The following LUZP2 variants were observed in gnomAD, a reference collection of about 807,000 sequenced individuals.
LUZP2 encodes leucine zipper protein 2.
A neutral mutation model predicts 51.6 loss-of-function variants in LUZP2; 52 were observed. The ratio of observed to expected loss-of-function variants is 1.01; its 90% CI spans 0.81 to 1.27. The LOEUF (loss-of-function observed/expected upper bound fraction) is 1.27, where lower values mean the gene tolerates loss of function less well. Ranked by LOEUF, LUZP2 falls within the 50% of genes most tolerant of loss-of-function variation. The pLI is 0.00. For synonymous variants in LUZP2, 154 were observed against 137.3 expected (o/e 1.12, Z -0.85); for missense variants, 436 against 395.4 (o/e 1.10, Z -0.87).
intron 1 of LUZP2, among the ~76,000 whole-genome samples, chr11:24,710,891 A>G (rs1857788359): frequency 6.6e-6 from 1 of 151,060 alleles, no homozygotes; most frequent in Non-Finnish European, 1.5e-5. Context: ...ATAAGAGACA[A>G]AGAGAAAGGA....
intron 5 of LUZP2, among the ~76,000 whole-genome samples, chr11:24,885,427 G>A (rs117177641): frequency 0.016 from 2,468 of 152,086 alleles, 33 homozygotes; most frequent in Non-Finnish European, 0.026. Context: ...GAGAAAACAA[G>A]GACTCAAGAT....
chr11:24,842,501 G>A (rs1206385552), intron 5 of LUZP2, among the ~76,000 whole-genome samples: 2 of 151,738 alleles, frequency 1.3e-5, no homozygotes, highest in Non-Finnish European at 2.9e-5. Flanking sequence ...CAACCAACAA[G>A]GCGAATTCAG....
intron 7 of LUZP2, among the ~76,000 whole-genome samples, chr11:24,962,990 G>T (rs11028304): frequency 0.37 from 56,444 of 152,044 alleles, 12,624 homozygotes; most frequent in East Asian, 0.69. Flanking sequence ...TGACAGGACC[G>T]TCAGCTGCAG....
chr11:24,571,880 C>A (rs1190407698), intron 1 of LUZP2, among the ~76,000 whole-genome samples: 1 of 151,912 alleles, frequency 6.6e-6, no homozygotes, highest in Non-Finnish European at 1.5e-5. Context: ...TATTACATAA[C>A]CCCAAACTTT....
chr11:24,873,771 A>G (rs912844483), intron 5 of LUZP2, among the ~76,000 whole-genome samples: 1 of 152,218 alleles, frequency 6.6e-6, no homozygotes, highest in Non-Finnish European at 1.5e-5. Context: ...GCCTTTGAAA[A>G]GCTGTGTGAC....
At chr11:24,842,369 T>G (rs2134202839) in intron 5 of LUZP2, among the ~76,000 whole-genome samples, 1 of 151,700 alleles carries the variant, frequency 6.6e-6, no homozygotes, top group Non-Finnish European at 1.5e-5. Context: ...ATTAATAAAA[T>G]AGTTTTGAGA....
At chr11:24,753,761 T>C (rs1475493621) in intron 4 of LUZP2, among the ~76,000 whole-genome samples, 1 of 152,200 alleles carries the variant, frequency 6.6e-6, no homozygotes, top group African/African-American at 2.4e-5. Flanking sequence ...GCGAAAGACT[T>C]TGGGCCCTCA....
At chr11:24,756,563 G>T (rs1014401488) in intron 4 of LUZP2, among the ~76,000 whole-genome samples, 1 of 152,016 alleles carries the variant, frequency 6.6e-6, no homozygotes, top group Non-Finnish European at 1.5e-5. Flanking sequence ...TTCTCTTTCC[G>T]AGCTGTGTTT....
intron 1 of LUZP2, among the ~76,000 whole-genome samples, chr11:24,694,070 C>A (rs1181342925): frequency 1.3e-5 from 2 of 151,944 alleles, no homozygotes; most frequent in Non-Finnish European, 2.9e-5. Context: ...ATAAGGAAAT[C>A]TCAATTATTT....
intron 1 of LUZP2, among the ~76,000 whole-genome samples, chr11:24,507,322 G>A (rs1218603335): frequency 6.6e-6 from 1 of 152,012 alleles, no homozygotes; most frequent in East Asian, 1.9e-4. Flanking sequence ...TACTCAACAT[G>A]CAAATTGTAG....
chr11:24,712,240 G>A (rs1857855839), intron 1 of LUZP2, among the ~76,000 whole-genome samples: 1 of 151,918 alleles, frequency 6.6e-6, no homozygotes, highest in African/African-American at 2.4e-5. Context: ...GGGCAACATG[G>A]TGAGACCCCA....
intron 1 of LUZP2, among the ~76,000 whole-genome samples, chr11:24,698,151 G>T (rs1219767976): frequency 6.6e-6 from 1 of 152,074 alleles, no homozygotes; most frequent in Non-Finnish European, 1.5e-5. Context: ...TTTCTTTTCT[G>T]CAACACTGCT....
At chr11:25,059,740 A>T (rs1404463758) in intron 10 of LUZP2, among the ~76,000 whole-genome samples, 2 of 152,158 alleles carry the variant, frequency 1.3e-5, no homozygotes, top group Non-Finnish European at 2.9e-5. Flanking sequence ...AAAGGAGGAG[A>T]GGAAAAGAAA....
chr11:24,768,658 C>T (rs1860285351), intron 5 of LUZP2, among the ~76,000 whole-genome samples: 1 of 152,034 alleles, frequency 6.6e-6, no homozygotes, highest in Non-Finnish European at 1.5e-5. Context: ...AAAATACTCC[C>T]AACATCACTA....
chr11:24,978,546 A>G (rs1193714778), intron 8 of LUZP2, among the ~76,000 whole-genome samples: 1 of 151,752 alleles, frequency 6.6e-6, no homozygotes, highest in Non-Finnish European at 1.5e-5. Flanking sequence ...GACTTCACAT[A>G]ATCCTTTTAG....
chr11:24,801,625 A>T (rs1849699930), intron 5 of LUZP2, among the ~76,000 whole-genome samples: 2 of 151,968 alleles, frequency 1.3e-5, no homozygotes, highest in South Asian at 4.2e-4. Context: ...GAGATTCGGA[A>T]AATGCTACGT....
intron 9 of LUZP2, among the ~76,000 whole-genome samples, chr11:25,010,710 G>A (rs1008701345): frequency 1.3e-5 from 2 of 151,950 alleles, no homozygotes; most frequent in African/African-American, 4.8e-5. Context: ...AGCCAGGCAT[G>A]GTGGGGCACA....
intron 1 of LUZP2, among the ~76,000 whole-genome samples, chr11:24,497,981 G>A (rs1849879179): frequency 6.6e-6 from 1 of 152,184 alleles, no homozygotes; most frequent in African/African-American, 2.4e-5. Context: ...CTCCATCACT[G>A]GCCATGGATG....
chr11:24,774,362 C>CTCTCTCTCTCTCTCTCTATATA (rs776739280), intron 5 of LUZP2, among the ~76,000 whole-genome samples: 109 of 76,306 alleles, frequency 1.4e-3, no homozygotes, highest in East Asian at 4.8e-3. Context: ...CTCTCTCTCT[C>CTCTCTCTCTCTCTCTCTATATA]TATATATATA....
Sources: allele counts gnomAD v4.1 joint callset (sites outside exome capture counted in the v4.1 genomes callset), GRCh38; gene constraint gnomAD v4.1.1; transcripts MANE v1.5; gene names NCBI Gene and HGNC (gene_info 2026-07-23, HGNC 2026-07-21).